The following RASEF variants were observed in gnomAD, a reference collection of about 807,000 sequenced individuals.
The protein encoded by RASEF is RAS and EF-hand domain containing.
In RASEF, 68 loss-of-function variants were observed where a neutral mutation model predicts 90.1. The observed-to-expected ratio is 0.75, with a 90% CI of 0.62 to 0.92. The LOEUF (loss-of-function observed/expected upper bound fraction) is 0.92, where lower values mean the gene tolerates loss of function less well. Ranked by LOEUF, RASEF falls within the 40% of genes least tolerant of loss-of-function variation. The pLI is 0.00. For synonymous variants in RASEF, 331 were observed against 345.2 expected (o/e 0.96, Z 0.46); for missense variants, 949 against 937.2 (o/e 1.01, Z -0.16).
At chr9:83,146,857 G>A in the RASEF span, among the ~76,000 whole-genome samples, 24,487 of 151,814 alleles carry the variant, frequency 0.16, 2,070 homozygotes, top group Middle Eastern at 0.23. Context: ...TGAGAGTGAT[G>A]GACGTGAAGC....
the RASEF span, among the ~76,000 whole-genome samples, chr9:83,114,365 C>A: frequency 3.3e-4 from 50 of 152,192 alleles, no homozygotes; most frequent in Non-Finnish European, 2.8e-4. Flanking sequence ...CACCTCAGGA[C>A]CCTGTGATGA....
chr9:83,061,809 G>A (rs1310879434), intron 1 of RASEF, among the ~76,000 whole-genome samples: 1 of 152,204 alleles, frequency 6.6e-6, no homozygotes, highest in African/African-American at 2.4e-5. Flanking sequence ...AATCTCTGCT[G>A]TTTAACTGGG....
At chr9:82,990,057 T>C (rs1271742499) in intron 16 of RASEF, among the ~76,000 whole-genome samples, 1 of 152,224 alleles carries the variant, frequency 6.6e-6, no homozygotes, top group African/African-American at 2.4e-5. Flanking sequence ...GAAAATATCA[T>C]AATAGACAGT....
At chr9:83,017,727 G>A (rs918170823) in intron 3 of RASEF, among the ~76,000 whole-genome samples, 2 of 152,146 alleles carry the variant, frequency 1.3e-5, no homozygotes, top group African/African-American at 2.4e-5. Flanking sequence ...TTTGCCTGAC[G>A]CCAAAATAAG....
rs572134813 is a variant in RASEF, at chr9:83,046,738, G to A, written c.431+15699C>T. Among the ~76,000 whole-genome samples the A allele has an allele frequency of 5.9e-5, 9 of 152,172 alleles. No homozygotes were observed. In the East Asian group the frequency reaches 1.5e-3, roughly 26 times the overall value. On this transcript the variant is annotated intron_variant, in intron 1 of 16. Coordinates refer to ENST00000376447, the MANE Select transcript of RASEF (RefSeq NM_152573.4). Reference sequence around the variant, plus strand: ...TTGATAGAAGCAAGAATTATGAGACGACTGTGTCATCCCAGGGGATGAAAT... The same window carrying A: ...TTGATAGAAGCAAGAATTATGAGACAACTGTGTCATCCCAGGGGATGAAAT...
chr9:83,073,099 T>C, the RASEF span, among the ~76,000 whole-genome samples: 2 of 152,108 alleles, frequency 1.3e-5, no homozygotes, highest in Non-Finnish European at 2.9e-5. Flanking sequence ...AGATGCTGTT[T>C]TGCTCAGCCC....
chr9:83,213,399 G>GAA, the RASEF span, among the ~76,000 whole-genome samples: 1,635 of 104,628 alleles, frequency 0.016, 27 homozygotes, highest in African/African-American at 0.049. Context: ...GACTTCATCT[G>GAA]AAAAAAAAAA....
intron 8 of RASEF, 22 bp downstream of exon 8, chr9:83,005,394 A>G (rs771050792): frequency 3.9e-6 from 6 of 1,540,022 alleles, no homozygotes; most frequent in South Asian, 1.1e-5. Context: ...AATGAAATAC[A>G]TGGTAAAACT....
At chr9:83,165,557 C>A in the RASEF span, among the ~76,000 whole-genome samples, 6 of 151,994 alleles carry the variant, frequency 3.9e-5, no homozygotes, top group Non-Finnish European at 8.8e-5. Context: ...ATGAAGAAAT[C>A]TAAAATCAAT....
At chr9:83,037,470 A>G (rs146291083) in intron 1 of RASEF, among the ~76,000 whole-genome samples, 193 of 152,304 alleles carry the variant, frequency 1.3e-3, no homozygotes, top group African/African-American at 4.6e-3. Context: ...TAAAAGAATA[A>G]AGCATTGTAG....
At chr9:83,075,935 C>T in the RASEF span, among the ~76,000 whole-genome samples, 1 of 151,950 alleles carries the variant, frequency 6.6e-6, no homozygotes, top group South Asian at 2.1e-4. Flanking sequence ...TTTGGGAGGA[C>T]AAGGTGGGCA....
the RASEF span, among the ~76,000 whole-genome samples, chr9:83,217,795 G>C: frequency 0.11 from 17,236 of 152,194 alleles, 1,195 homozygotes; most frequent in East Asian, 0.17. Flanking sequence ...AAATAGAGTT[G>C]GGGGGTGGGG....
the RASEF span, among the ~76,000 whole-genome samples, chr9:83,077,484 C>G: frequency 2.6e-5 from 4 of 152,096 alleles, no homozygotes; most frequent in African/African-American, 4.8e-5. Flanking sequence ...TCCACAAACT[C>G]TCCCCTCCCC....
At chr9:83,100,200 G>C in the RASEF span, among the ~76,000 whole-genome samples, 1 of 152,108 alleles carries the variant, frequency 6.6e-6, no homozygotes. Flanking sequence ...AGCAAGCTGA[G>C]AACAGACTTT....
the RASEF span, among the ~76,000 whole-genome samples, chr9:83,162,553 GC>G: frequency 6.6e-6 from 1 of 152,124 alleles, no homozygotes; most frequent in Admixed American, 6.5e-5. Context: ...AGGACTTCTG[GC>G]TTCCAGTCCA....
At chr9:82,998,314 G>A (rs767818428) in intron 13 of RASEF, 51 bp downstream of exon 13, 6 of 1,120,978 alleles carry the variant, frequency 5.4e-6, no homozygotes, top group Non-Finnish European at 6.7e-6. Flanking sequence ...GGCCTGCAAG[G>A]CTTGTTAATG....
chr9:83,043,191 A>G (rs1398696116), intron 1 of RASEF, among the ~76,000 whole-genome samples: 6 of 152,254 alleles, frequency 3.9e-5, no homozygotes, highest in Admixed American at 3.9e-4. Context: ...ATCCAAATGG[A>G]CATTTTTAGT....
chr9:83,131,022 T>G, the RASEF span, among the ~76,000 whole-genome samples: 9 of 152,292 alleles, frequency 5.9e-5, no homozygotes, highest in South Asian at 1.7e-3. Flanking sequence ...AGTGTGATGT[T>G]TCTGTAACAC....
the RASEF span, among the ~76,000 whole-genome samples, chr9:83,091,140 C>G: frequency 3.3e-5 from 5 of 152,172 alleles, no homozygotes; most frequent in Non-Finnish European, 5.9e-5. Context: ...CAAAGAGTCT[C>G]AAGATCAACC....
Sources: gnomAD v4.1 joint callset for allele counts (sites outside exome capture counted in the v4.1 genomes callset) on GRCh38, gnomAD v4.1.1 for gene constraint, MANE v1.5 for transcripts, NCBI Gene and HGNC (gene_info 2026-07-23, HGNC 2026-07-21) for gene names.